The following ATG10 variants were observed in gnomAD, a reference collection of about 807,000 sequenced individuals.
ATG10 encodes the protein ubiquitin-like-conjugating enzyme ATG10.
A neutral mutation model predicts 32.1 loss-of-function variants in ATG10; 30 were observed. The observed-to-expected ratio is 0.94, with a 90% CI of 0.70 to 1.27. ATG10 has a LOEUF of 1.27. Among genes scored for constraint, ATG10 ranks in the 50% most tolerant of loss-of-function variants. The probability of loss-of-function intolerance (pLI) is 0.00; values close to 1 mark genes in which losing one functional copy is unlikely to be tolerated. For synonymous variants in ATG10, 87 were observed against 91.5 expected (o/e 0.95, Z 0.28); for missense variants, 233 against 262.3 (o/e 0.89, Z 0.77).
intron 3 of ATG10, among the ~76,000 whole-genome samples, chr5:82,101,868 T>A (rs1424781114): frequency 6.6e-6 from 1 of 152,222 alleles, no homozygotes; most frequent in Non-Finnish European, 1.5e-5. Context: ...ATAAGAGGTT[T>A]CGATAAAATA....
At chr5:81,996,110 T>C (rs536808676) in intron 2 of ATG10, among the ~76,000 whole-genome samples, 48 of 152,390 alleles carry the variant, frequency 3.1e-4, no homozygotes, top group South Asian at 2.3e-3. Flanking sequence ...TAATTTTTGC[T>C]TAACTTTTAT....
intron 3 of ATG10, among the ~76,000 whole-genome samples, chr5:82,136,856 G>A (rs532687019): frequency 6.6e-6 from 1 of 152,260 alleles, no homozygotes; most frequent in South Asian, 2.1e-4. Flanking sequence ...ACCAATCAAT[G>A]TAGGTTTGAT....
At chr5:82,235,637 T>G (rs1450077184) in intron 5 of ATG10, among the ~76,000 whole-genome samples, 1 of 152,244 alleles carries the variant, frequency 6.6e-6, no homozygotes, top group Non-Finnish European at 1.5e-5. Context: ...CCTTCTGCAC[T>G]TGCAGGGGTT....
At chr5:82,058,229 T>A (rs1188922710) in intron 2 of ATG10, among the ~76,000 whole-genome samples, 1 of 152,168 alleles carries the variant, frequency 6.6e-6, no homozygotes, top group African/African-American at 2.4e-5. Flanking sequence ...CTTGGTGCTA[T>A]GGACTAGTCA....
At chr5:82,060,188 C>A (rs1462531633) in intron 3 of ATG10, among the ~76,000 whole-genome samples, 1 of 152,068 alleles carries the variant, frequency 6.6e-6, no homozygotes, top group African/African-American at 2.4e-5. Context: ...CAACATTTTT[C>A]ATTTCCAACA....
intron 3 of ATG10, among the ~76,000 whole-genome samples, chr5:82,100,461 G>A (rs1444842031): frequency 1.3e-5 from 2 of 152,114 alleles, no homozygotes; most frequent in Non-Finnish European, 2.9e-5. Context: ...TGGGGAAGGT[G>A]GCTTCCTGAG....
chr5:81,987,655 A>T lies in ATG10; in HGVS notation c.85A>T (p.Ser29Cys), dbSNP rs758468564. 1 of 1,610,698 alleles carries T rather than the reference A, an allele frequency of 6.2e-7. No homozygotes were observed. Among genetic ancestry groups the T allele is most frequent in the East Asian group, 2.2e-5 (1 of 44,778 alleles). ...FIKHSQQIGD[S>C]WEWRPSKDCS... ...TAAACATTCACAACAGATAGGTGAT[A>T]GTTGGGAATGGAGACCATCAAAGGT... is the stretch of plus-strand genomic sequence containing the variant. The change falls in exon 2 of 8, where the codon AGT becomes TGT. Residue 29 changes from serine to cysteine, a missense_variant. By Grantham distance (112) the Ser-to-Cys change is moderately radical. Coordinates refer to ENST00000282185, the MANE Select transcript of ATG10 (RefSeq NM_031482.5).
chr5:82,236,927 A>AT, intron 5 of ATG10, among the ~76,000 whole-genome samples: 1 of 151,946 alleles, frequency 6.6e-6, no homozygotes, highest in East Asian at 1.9e-4. Context: ...ATTTTCTCAC[A>AT]TTTTTTTCTA....
intron 3 of ATG10, among the ~76,000 whole-genome samples, chr5:82,122,555 A>G (rs996078813): frequency 6.6e-6 from 1 of 152,328 alleles, no homozygotes; most frequent in Admixed American, 6.5e-5. Flanking sequence ...GAAACTATCA[A>G]CAGAGTAAAC....
chr5:82,215,496 T>C (rs1745642027), intron 5 of ATG10, among the ~76,000 whole-genome samples: 1 of 152,208 alleles, frequency 6.6e-6, no homozygotes, highest in Non-Finnish European at 1.5e-5. Flanking sequence ...TCAATGGTGA[T>C]ATTCTCAGAA....
At chr5:81,998,100 G>T (rs911216359) in intron 2 of ATG10, among the ~76,000 whole-genome samples, 1 of 152,124 alleles carries the variant, frequency 6.6e-6, no homozygotes, top group Admixed American at 6.5e-5. Flanking sequence ...ATTCCCCAAG[G>T]TTGAAATGAA....
At chr5:82,083,645 G>T (rs1764564135) in intron 3 of ATG10, among the ~76,000 whole-genome samples, 1 of 152,162 alleles carries the variant, frequency 6.6e-6, no homozygotes, top group Non-Finnish European at 1.5e-5. Flanking sequence ...CCAGAGGAAG[G>T]ATCAGGCAGC....
intron 6 of ATG10, 100 bp from the exon 7 acceptor site, chr5:82,253,214 C>T (rs1159557652): frequency 1.3e-5 from 10 of 781,360 alleles, no homozygotes; most frequent in Non-Finnish European, 2.0e-5. Flanking sequence ...TTGAAGAAAG[C>T]CTCACTTTTG....
At chr5:82,084,896 A>G (rs1346290071) in intron 3 of ATG10, among the ~76,000 whole-genome samples, 2 of 152,212 alleles carry the variant, frequency 1.3e-5, no homozygotes, top group South Asian at 2.1e-4. Flanking sequence ...TGTAAAGACC[A>G]TCAATGCTAG....
intron 5 of ATG10, among the ~76,000 whole-genome samples, chr5:82,247,976 A>G (rs1357390616): frequency 1.3e-5 from 2 of 152,198 alleles, no homozygotes; most frequent in Non-Finnish European, 2.9e-5. Flanking sequence ...AGGTTGGCCA[A>G]TGATTGGACA....
At chr5:82,166,207 A>G (rs1274750481) in intron 4 of ATG10, among the ~76,000 whole-genome samples, 1 of 152,108 alleles carries the variant, frequency 6.6e-6, no homozygotes, top group Admixed American at 6.6e-5. Flanking sequence ...ACGATTTTCT[A>G]TTCTTTTAAA....
At chr5:82,200,225 T>G (rs1422969131) in intron 5 of ATG10, among the ~76,000 whole-genome samples, 1 of 152,114 alleles carries the variant, frequency 6.6e-6, no homozygotes, top group African/African-American at 2.4e-5. Context: ...TTGGAAGCAT[T>G]TTATACTCCC....
intron 5 of ATG10, among the ~76,000 whole-genome samples, chr5:82,207,790 C>A (rs1432504416): frequency 6.6e-6 from 1 of 152,176 alleles, no homozygotes; most frequent in East Asian, 1.9e-4. Context: ...CTGCCCAATG[C>A]AGTGGTCACT....
chr5:82,062,866 C>T (rs991030646), intron 3 of ATG10, among the ~76,000 whole-genome samples: 1 of 152,136 alleles, frequency 6.6e-6, no homozygotes, highest in Non-Finnish European at 1.5e-5. Context: ...ATTTGAACTA[C>T]ATATATAATG....
Sources: gnomAD v4.1 joint callset for allele counts (sites outside exome capture counted in the v4.1 genomes callset) on GRCh38, gnomAD v4.1.1 for gene constraint, MANE v1.5 for transcripts, NCBI Gene and HGNC (gene_info 2026-07-23, HGNC 2026-07-21) for gene names.